CMIP: variants seen among roughly 807,000 people sequenced by gnomAD.
The protein encoded by CMIP is C-Maf-inducing protein.
In CMIP, 13 loss-of-function variants were observed where a neutral mutation model predicts 97.3. The ratio of observed to expected loss-of-function variants is 0.13; its 90% CI spans 0.09 to 0.21. The LOEUF is 0.21. Among genes scored for constraint, CMIP ranks in the 10% least tolerant of loss-of-function variants. The probability of loss-of-function intolerance (pLI) is 1.00; values close to 1 mark genes in which losing one functional copy is unlikely to be tolerated. For synonymous variants in CMIP, 538 were observed against 436.3 expected, an observed-to-expected ratio of 1.23 and a Z score of -2.91; for missense variants, 847 against 1,024.9, an observed-to-expected ratio of 0.83 and a Z score of 2.37.
chr16:81,637,696 C>G (rs1247632529), intron 3 of CMIP, among the ~76,000 whole-genome samples: 2 of 152,248 alleles, frequency 1.3e-5, no homozygotes, highest in East Asian at 3.9e-4. Flanking sequence ...AGTGTGCAGG[C>G]TGGTGGGGGA....
Position 81,607,686 on chromosome 16 carries a change from A to G in CMIP, c.420A>G (p.Leu140=), listed in dbSNP as rs1373221085. 1 of 1,613,588 alleles carries G rather than the reference A, an allele frequency of 6.2e-7. No individual in the cohort carries two copies. Among genetic ancestry groups the G allele is most frequent in the Admixed American group, 1.7e-5 (1 of 60,010 alleles). ...TCACGATTCCTGGGGGAACTGTCTTACTGCAGGTAGGAGAAATAAACATGA... is the reference window on the plus strand; with the variant it reads ...TCACGATTCCTGGGGGAACTGTCTTGCTGCAGGTAGGAGAAATAAACATGA... ...LQLTIPGGTV[L]LQAANSYLRD... is the part of the protein sequence containing the mutation. The change falls in exon 2 of 21, where the codon TTA becomes TTG. Residue 140 remains leucine (L), a synonymous_variant. Coordinates refer to ENST00000537098, the MANE Select transcript of CMIP (RefSeq NM_198390.3).
intron 1 of CMIP, among the ~76,000 whole-genome samples, chr16:81,606,057 A>G (rs2091739058): frequency 6.6e-6 from 1 of 152,250 alleles, no homozygotes; most frequent in African/African-American, 2.4e-5. Flanking sequence ...ACTGAAATTA[A>G]CAAACCTAAC....
In CMIP at chr16:81,652,367, A is replaced by G. The variant is rs1396583295; in HGVS notation, c.639+3A>G. On this transcript the variant is annotated splice_donor_region_variant and intron_variant, in intron 4 of 20. Coordinates refer to ENST00000537098, the MANE Select transcript of CMIP (RefSeq NM_198390.3). This position sits in a 1 kb window ranked among gnomAD's most constrained non-coding sequence, Gnocchi z 5.2. Reference sequence around the variant, plus strand: ...TCGTCTCGAAACTGCTCTCAGAGGTAAAACCCCTCCCCTGGACCCCTTTAC... The same window carrying G: ...TCGTCTCGAAACTGCTCTCAGAGGTGAAACCCCTCCCCTGGACCCCTTTAC... 1 of 1,611,164 alleles carries G rather than the reference A, an allele frequency of 6.2e-7. No homozygotes were observed. Among genetic ancestry groups the G allele is most frequent in the Non-Finnish European group, 8.5e-7 (1 of 1,178,470 alleles).
At chr16:81,480,580 C>A (rs1384864256) in intron 1 of CMIP, among the ~76,000 whole-genome samples, 1 of 152,150 alleles carries the variant, frequency 6.6e-6, no homozygotes, top group Non-Finnish European at 1.5e-5. Flanking sequence ...AAAGCCCTGA[C>A]CCATTCTGCT....
intron 1 of CMIP, among the ~76,000 whole-genome samples, chr16:81,573,982 G>A (rs2150893551): frequency 6.6e-6 from 1 of 152,074 alleles, no homozygotes; most frequent in East Asian, 1.9e-4. Flanking sequence ...CCAAGCCTAG[G>A]CTTGACCCCT....
intron 20 of CMIP, among the ~76,000 whole-genome samples, chr16:81,708,056 G>T (rs375593218): frequency 6.6e-6 from 1 of 152,244 alleles, no homozygotes; most frequent in Non-Finnish European, 1.5e-5. Flanking sequence ...TCAGGGACAG[G>T]GACACCGAGG....
intron 4 of CMIP, among the ~76,000 whole-genome samples, chr16:81,656,560 TCTCTTTC>T (rs1176177613): frequency 2.1e-4 from 32 of 152,318 alleles, no homozygotes; most frequent in Admixed American, 1.6e-3. Context: ...GGCACAGCCG[TCTCTTTC>T]CTTGTTCAAG....
intron 1 of CMIP, among the ~76,000 whole-genome samples, chr16:81,594,016 TC>T (rs369603261): frequency 0.018 from 826 of 45,852 alleles, 17 homozygotes; most frequent in African/African-American, 0.067. Flanking sequence ...CTCCTCTTCC[TC>T]CCCCCCTTCT....
At chr16:81,626,812 T>TGGGGG (rs1335002419) in intron 3 of CMIP, among the ~76,000 whole-genome samples, 1 of 120,328 alleles carries the variant, frequency 8.3e-6, no homozygotes, top group African/African-American at 3.3e-5. Flanking sequence ...TGTGTGTGTG[T>TGGGGG]GTGTGGGGTG....
intron 3 of CMIP, among the ~76,000 whole-genome samples, chr16:81,633,259 G>T (rs1258517762): frequency 6.6e-6 from 1 of 152,252 alleles, no homozygotes; most frequent in Admixed American, 6.5e-5. Flanking sequence ...GTGGTGGGCA[G>T]TGGAGGCCCC....
chr16:81,704,945 G>A lies in CMIP; in HGVS notation c.2092-554G>A, dbSNP rs187635618. ...CGTGAGCCAGGCTTCGCTGGCCTGC[G>A]GGGGGCTGCGCAGGAGGCTTCTGGG... On this transcript the variant is annotated intron_variant, in intron 18 of 20. Coordinates refer to ENST00000537098, the MANE Select transcript of CMIP (RefSeq NM_198390.3). Among the ~76,000 whole-genome samples the A allele has an allele frequency of 5.9e-5, 9 of 151,848 alleles. No individual in the cohort carries two copies. In the South Asian group the frequency reaches 8.3e-4, roughly 14 times the overall value.
chr16:81,511,114 T>C (rs1404040507), intron 1 of CMIP, among the ~76,000 whole-genome samples: 1 of 152,206 alleles, frequency 6.6e-6, no homozygotes, highest in Non-Finnish European at 1.5e-5. Context: ...TCCCAGCTTA[T>C]GATGAGTCTT....
intron 3 of CMIP, among the ~76,000 whole-genome samples, chr16:81,644,293 C>G (rs2092338583): frequency 6.6e-6 from 1 of 152,160 alleles, no homozygotes; most frequent in Non-Finnish European, 1.5e-5. Flanking sequence ...GCCTCCTTCC[C>G]TGGAAAATTG....
chr16:81,662,408 G>A (rs936842464), intron 6 of CMIP, among the ~76,000 whole-genome samples: 1 of 152,168 alleles, frequency 6.6e-6, no homozygotes, highest in Admixed American at 6.5e-5. Flanking sequence ...GGTAGAAAAA[G>A]GTACCCTTTT....
intron 1 of CMIP, among the ~76,000 whole-genome samples, chr16:81,454,862 A>C (rs1451541956): frequency 6.6e-6 from 1 of 152,112 alleles, no homozygotes. Flanking sequence ...AGGCATCTGG[A>C]TGGAGAGGTA....
intron 1 of CMIP, among the ~76,000 whole-genome samples, chr16:81,594,041 C>G (rs1380613308): frequency 2.1e-5 from 2 of 95,098 alleles, no homozygotes; most frequent in Non-Finnish European, 4.4e-5. Context: ...CCTCCTCCCC[C>G]TCCTTCTCCT....
chr16:81,493,355 ACCTGTCG>A (rs2089435329), intron 1 of CMIP, among the ~76,000 whole-genome samples: 1 of 79,880 alleles, frequency 1.3e-5, no homozygotes, highest in African/African-American at 5.2e-5. Flanking sequence ...CCTCCGCGTT[ACCTGTCG>A]TTACCTGTCG....
rs1001299461 is a variant in CMIP at position 81,476,238 on chromosome 16, A to T, written c.300+30697A>T. The T allele has an allele frequency of 3.4e-6, 5 of 1,464,036 alleles. No individual in the cohort carries two copies. In the Admixed American group the frequency reaches 6.7e-5, roughly 20 times the overall value. The allele number at this position is 1,464,036 out of a possible 1,614,324, so 90.7% of individuals were successfully genotyped here. A position where few individuals can be genotyped will look rare whatever the true frequency, so the allele number is the denominator to read the frequency against. ...CATTTGCCATGGACAAGATGCCGGG[A>T]CCTGTATGCTTTAGGATGAAGTTCT... On this transcript the variant is annotated intron_variant, in intron 1 of 20. Coordinates refer to ENST00000537098, the MANE Select transcript of CMIP (RefSeq NM_198390.3).
Position 81,648,056 on chromosome 16 carries a change from A to G in CMIP, c.478-4147A>G, listed in dbSNP as rs367969119. Among the ~76,000 whole-genome samples, 25 of 139,048 alleles carry G rather than the reference A, an allele frequency of 1.8e-4. No individual in the cohort carries two copies. The East Asian group carries it at 2.8e-3, about 16-fold the overall frequency. 91.2% of individuals were successfully genotyped at this position (139,048 alleles called of 152,430 possible). A position where few individuals can be genotyped will look rare whatever the true frequency, so the allele number is the denominator to read the frequency against. The stretch of plus-strand genomic sequence containing the variant: ...AGCCCACCCTCCCCCTGCTGCTTCC[A>G]CCGCCTTCTGGTTACCTGGCCTCCA... On this transcript the variant is annotated intron_variant, in intron 3 of 20. Transcript: ENST00000537098.
Sources: gnomAD v4.1 joint callset for allele counts (sites outside exome capture counted in the v4.1 genomes callset) on GRCh38, gnomAD v4.1.1 for gene constraint, Gnocchi (gnomAD v3.1) non-coding constraint, MANE v1.5 for transcripts, NCBI Gene and HGNC (gene_info 2026-07-23, HGNC 2026-07-21) for gene names.